The following DMRT1 variants were observed in gnomAD, a reference collection of about 807,000 sequenced individuals.
DMRT1 encodes doublesex and mab-3 related transcription factor 1.
A neutral mutation model predicts 32.3 loss-of-function variants in DMRT1; 7 were observed. The observed-to-expected ratio is 0.22, with a 90% confidence interval of 0.12 to 0.41. The LOEUF (loss-of-function observed/expected upper bound fraction) is 0.41. DMRT1 is among the 10% of genes least tolerant of loss of function. The probability of loss-of-function intolerance (pLI) is 1.00; values close to 1 mark genes in which losing one functional copy is unlikely to be tolerated. For missense variants in DMRT1, 625 were observed against 500.5 expected, an observed-to-expected ratio of 1.25 and a Z score of -2.37; for synonymous variants, 278 against 206.1, an observed-to-expected ratio of 1.35 and a Z score of -2.99.
intron 4 of DMRT1, among the ~76,000 whole-genome samples, chr9:957,475 T>G (rs1278951227): frequency 1.8e-4 from 28 of 152,244 alleles, no homozygotes; most frequent in Non-Finnish European, 1.5e-5. Flanking sequence ...ATTTTCTTAT[T>G]TCTCTTCAGC....
intron 2 of DMRT1, among the ~76,000 whole-genome samples, chr9:865,222 C>G (rs985766401): frequency 5.3e-5 from 8 of 152,146 alleles, no homozygotes; most frequent in Non-Finnish European, 1.2e-4. Flanking sequence ...TTGTTGTTAT[C>G]TTGATAACTT....
chr9:948,009 G>A (rs924032738), intron 4 of DMRT1, among the ~76,000 whole-genome samples: 6 of 152,196 alleles, frequency 3.9e-5, no homozygotes, highest in Admixed American at 2.0e-4. Context: ...GCTCACTGGG[G>A]TGAATCAGTT....
chr9:919,518 C>T (rs570666918), intron 4 of DMRT1, among the ~76,000 whole-genome samples: 2 of 152,244 alleles, frequency 1.3e-5, no homozygotes, highest in South Asian at 2.1e-4. Context: ...TCCTTCTTTC[C>T]TTATCCTGAA....
intron 4 of DMRT1, among the ~76,000 whole-genome samples, chr9:926,288 AAG>A (rs1211579938): frequency 1.3e-5 from 2 of 152,230 alleles, no homozygotes; most frequent in African/African-American, 2.4e-5. Flanking sequence ...TTTATTTAAT[AAG>A]AGAGAGTCAA....
Position 842,230 on chromosome 9 carries a change from G to GTTTTTTTTTTTT in DMRT1, c.354+50_354+61dup, listed in dbSNP as rs780064237. ...GTGCGGGAGCCCGGGTTCAGCCTTA[G>GTTTTTTTTTTTT]TTTTTTTTTTTTTTTTTTTTTTTAG... On this transcript the variant is annotated intron_variant, in intron 1 of 4. Coordinates refer to ENST00000382276, the MANE Select transcript of DMRT1 (RefSeq NM_021951.3). 1.7e-4 allele frequency: 216 copies of GTTTTTTTTTTTT among 1,267,070 alleles called. 7 individuals are homozygous for GTTTTTTTTTTTT. The African/African-American group carries it at 4.4e-3, about 26-fold the overall frequency. The allele number at this position is 1,267,070 out of a possible 1,614,324, so 78.5% of individuals were successfully genotyped here. A position where few individuals can be genotyped will look rare whatever the true frequency, so the allele number is the denominator to read the frequency against.
In DMRT1 at chr9:910,273, G is replaced by C. The variant is rs191924263; in HGVS notation, c.823-6490G>C. 1.5e-3 allele frequency among the ~76,000 whole-genome samples: 220 copies of C among 151,366 alleles called. 1 individual carries two copies. The highest frequency in any genetic ancestry group is 4.9e-3 in the African/African-American group (203 of 41,178). On this transcript the variant is annotated intron_variant, in intron 3 of 4. Transcript: ENST00000382276. ...AGCACAGGCATTTTTAATGAAAAAGGCATCATCTGATATAAGTTCAAAAAC... is the reference window on the plus strand; with the variant it reads ...AGCACAGGCATTTTTAATGAAAAAGCCATCATCTGATATAAGTTCAAAAAC...
chr9:864,938 CTG>C (rs1815912094), intron 2 of DMRT1, among the ~76,000 whole-genome samples: 1 of 152,170 alleles, frequency 6.6e-6, no homozygotes, highest in South Asian at 2.1e-4. Context: ...ATATAATAAA[CTG>C]TGGTATGGCC....
In DMRT1 at chr9:861,989, C is replaced by T. The variant is rs926253759; in HGVS notation, c.538+14846C>T. On this transcript the variant is annotated intron_variant, in intron 2 of 4. Transcript: ENST00000382276. ...CCTCACTTCCTAGACGGGATGACGG[C>T]CGGGAAGAGGTGCTCCTCACTTCCC... Among the ~76,000 whole-genome samples, 8 of 151,202 alleles carry T rather than the reference C, an allele frequency of 5.3e-5. 1 individual carries two copies. Among genetic ancestry groups the T allele is most frequent in the Non-Finnish European group, 1.5e-5 (1 of 67,610 alleles).
chr9:961,892 C>T (rs1415343962), intron 4 of DMRT1, among the ~76,000 whole-genome samples: 1 of 152,160 alleles, frequency 6.6e-6, no homozygotes, highest in Admixed American at 6.5e-5. Context: ...TCTGTTATTA[C>T]CCCCTTTTCA....
intron 2 of DMRT1, among the ~76,000 whole-genome samples, chr9:859,311 A>G (rs1815548568): frequency 6.6e-6 from 1 of 152,166 alleles, no homozygotes; most frequent in African/African-American, 2.4e-5. Flanking sequence ...GAACGGATGC[A>G]GGGGACTGTA....
intron 2 of DMRT1, among the ~76,000 whole-genome samples, chr9:868,947 G>C (rs1240377434): frequency 2.6e-5 from 4 of 152,126 alleles, no homozygotes; most frequent in African/African-American, 7.2e-5. Flanking sequence ...GGAGGTTGAG[G>C]CTGGAGTGAA....
At chr9:843,760 C>G (rs1334721588) in intron 1 of DMRT1, among the ~76,000 whole-genome samples, 1 of 152,224 alleles carries the variant, frequency 6.6e-6, no homozygotes, top group East Asian at 1.9e-4. Flanking sequence ...TGTAAATATC[C>G]TCCATTGAAA....
chr9:875,261 T>C (rs1283520352), intron 2 of DMRT1, among the ~76,000 whole-genome samples: 1 of 152,198 alleles, frequency 6.6e-6, no homozygotes, highest in Non-Finnish European at 1.5e-5. Flanking sequence ...ACCTTGAGAA[T>C]TGTGGGTGAG....
At position 968,219 on chromosome 9, in the gene DMRT1, T is replaced by C. The variant is rs1354315058; in HGVS notation, c.*80T>C. 6 of 1,535,372 alleles carry C rather than the reference T, an allele frequency of 3.9e-6. No homozygotes were observed. Among genetic ancestry groups the C allele is most frequent in the Non-Finnish European group, 5.3e-6 (6 of 1,123,590 alleles). ...CCATGGGGTTTGTTAATATTTTGCA[T>C]TGACTCATACTATCTTAACTGTTGA... On this transcript the variant is annotated 3_prime_UTR_variant, in exon 5 of 5. Transcript: ENST00000382276.
intron 4 of DMRT1, among the ~76,000 whole-genome samples, chr9:942,672 G>T (rs1420204923): frequency 6.6e-6 from 1 of 152,148 alleles, no homozygotes; most frequent in East Asian, 1.9e-4. Flanking sequence ...CAAGTTTATT[G>T]CTTTTCTTTT....
At chr9:868,254 C>G (rs1327130805) in intron 2 of DMRT1, among the ~76,000 whole-genome samples, 2 of 152,214 alleles carry the variant, frequency 1.3e-5, no homozygotes, top group Admixed American at 1.3e-4. Context: ...GCTGGGATTA[C>G]AGGCGTGACC....
chr9:932,991 C>A (rs1427123157), intron 4 of DMRT1, among the ~76,000 whole-genome samples: 1 of 152,034 alleles, frequency 6.6e-6, no homozygotes, highest in African/African-American at 2.4e-5. Flanking sequence ...TGGCCCACTG[C>A]AACCTCCGTC....
intron 3 of DMRT1, among the ~76,000 whole-genome samples, chr9:910,179 T>C (rs1438191607): frequency 2.6e-5 from 4 of 152,192 alleles, no homozygotes; most frequent in Non-Finnish European, 5.9e-5. Flanking sequence ...ACGCTGAAGA[T>C]TTTTTTGTCT....
chr9:952,172 A>G lies in DMRT1; in HGVS notation c.968-15813A>G, dbSNP rs796555683. 1.4e-4 allele frequency among the ~76,000 whole-genome samples: 21 copies of G among 152,308 alleles called. 1 individual carries two copies. The highest frequency in any genetic ancestry group is 4.8e-4 in the African/African-American group (20 of 41,576). On this transcript the variant is annotated intron_variant, in intron 4 of 4. Coordinates refer to ENST00000382276, the MANE Select transcript of DMRT1 (RefSeq NM_021951.3). ...CTGAGAACAGAGCCTTGTTTCATTC[A>G]CAGCCATATCCCCTGTATCTCGAAC...
Sources: gnomAD v4.1 joint callset for allele counts (sites outside exome capture counted in the v4.1 genomes callset) on GRCh38, gnomAD v4.1.1 for gene constraint, MANE v1.5 for transcripts, NCBI Gene and HGNC (gene_info 2026-07-23, HGNC 2026-07-21) for gene names.